The following MCU variants were observed in gnomAD, a reference collection of about 807,000 sequenced individuals.
The protein encoded by MCU is mitochondrial calcium uniporter, also known as calcium uniporter protein, mitochondrial.
A neutral mutation model predicts 45.2 loss-of-function variants in MCU; 12 were observed. The observed-to-expected ratio is 0.27, with a 90% confidence interval of 0.17 to 0.43. The LOEUF (loss-of-function observed/expected upper bound fraction) is 0.43, where lower values mean the gene tolerates loss of function less well. MCU is among the 20% of genes least tolerant of loss of function. The pLI is 1.00. For missense variants in MCU, 324 were observed against 436.7 expected, an observed-to-expected ratio of 0.74 and a Z score of 2.30; for synonymous variants, 160 against 165.1, an observed-to-expected ratio of 0.97 and a Z score of 0.24.
At chr10:72,830,184 G>A (rs1021788022) in intron 1 of MCU, among the ~76,000 whole-genome samples, 1 of 151,982 alleles carries the variant, frequency 6.6e-6, no homozygotes, top group South Asian at 2.1e-4. Context: ...AGTTGAGTGG[G>A]GTATAGAGAG....
At chr10:72,860,291 A>C (rs1845356385) in intron 3 of MCU, 132 bp from the exon 4 acceptor site, 1 of 703,424 alleles carries the variant, frequency 1.4e-6, no homozygotes. Context: ...TTGCATAGGA[A>C]ATGAGGCAAA....
chr10:72,854,274 G>A (rs571303305), intron 2 of MCU, among the ~76,000 whole-genome samples: 36 of 151,896 alleles, frequency 2.4e-4, no homozygotes, highest in South Asian at 8.3e-4. Context: ...CCTGGGCAAC[G>A]GAATGAGACC....
intron 1 of MCU, among the ~76,000 whole-genome samples, chr10:72,819,110 A>G (rs2132812945): frequency 6.6e-6 from 1 of 152,276 alleles, no homozygotes; most frequent in Admixed American, 6.5e-5. Context: ...GTCCATGAAG[A>G]ATGGTGTCTG....
intron 1 of MCU, among the ~76,000 whole-genome samples, chr10:72,825,070 TCTATC>T (rs1185755406): frequency 2.6e-5 from 4 of 152,192 alleles, no homozygotes; most frequent in African/African-American, 9.6e-5. Context: ...CTTTTTTTAT[TCTATC>T]CTAGCTTTTC....
chr10:72,707,756 G>C (rs1388034374), intron 1 of MCU, among the ~76,000 whole-genome samples: 2 of 152,066 alleles, frequency 1.3e-5, no homozygotes, highest in Non-Finnish European at 2.9e-5. Flanking sequence ...TCTTGGACAA[G>C]TGACTTAACC....
intron 2 of MCU, among the ~76,000 whole-genome samples, chr10:72,857,067 C>T (rs764756217): frequency 6.6e-6 from 1 of 152,016 alleles, no homozygotes; most frequent in Non-Finnish European, 1.5e-5. Flanking sequence ...CTGCCTCAGC[C>T]TCCTGAGTAG....
At chr10:72,827,964 A>G (rs1371875518) in intron 1 of MCU, among the ~76,000 whole-genome samples, 2 of 152,176 alleles carry the variant, frequency 1.3e-5, no homozygotes, top group Non-Finnish European at 2.9e-5. Context: ...TGCTGATATG[A>G]TGCTTCAACA....
intron 1 of MCU, among the ~76,000 whole-genome samples, chr10:72,694,417 C>T (rs751859322): frequency 2.6e-5 from 4 of 152,140 alleles, no homozygotes; most frequent in Non-Finnish European, 5.9e-5. Flanking sequence ...TTATTGTGTT[C>T]TTTTCATTGT....
chr10:72,745,518 C>T (rs1419059376), intron 1 of MCU, among the ~76,000 whole-genome samples: 1 of 152,128 alleles, frequency 6.6e-6, no homozygotes, highest in Non-Finnish European at 1.5e-5. Flanking sequence ...TGTGAGCCAC[C>T]GTGCCCGGCC....
At chr10:72,761,153 G>C in intron 1 of MCU, among the ~76,000 whole-genome samples, 1 of 152,198 alleles carries the variant, frequency 6.6e-6, no homozygotes, top group East Asian at 1.9e-4. Context: ...CTGAAGATTA[G>C]AGCTAATTAG....
intron 1 of MCU, among the ~76,000 whole-genome samples, chr10:72,711,446 C>T (rs1264090993): frequency 4.0e-5 from 6 of 151,618 alleles, no homozygotes; most frequent in Non-Finnish European, 8.8e-5. Flanking sequence ...GTCTTGAACT[C>T]CTGACCTCAA....
At chr10:72,731,031 A>G (rs193053600) in intron 1 of MCU, 1 of 152,264 alleles carries the variant, frequency 6.6e-6, no homozygotes, top group East Asian at 1.9e-4. Context: ...CAAGGGATCC[A>G]CCGGCCTTGG....
chr10:72,693,728 A>G (rs1004738055), intron 1 of MCU, among the ~76,000 whole-genome samples: 1 of 152,218 alleles, frequency 6.6e-6, no homozygotes, highest in African/African-American at 2.4e-5. Flanking sequence ...GGTGACAGCC[A>G]AGAGCTTTTC....
chr10:72,839,743 G>A (rs1194032429), intron 2 of MCU, among the ~76,000 whole-genome samples: 1 of 151,332 alleles, frequency 6.6e-6, no homozygotes, highest in Non-Finnish European at 1.5e-5. Flanking sequence ...CATGAGGTCA[G>A]GAGATCGAGA....
At chr10:72,771,463 C>T (rs1315023535) in intron 1 of MCU, among the ~76,000 whole-genome samples, 4 of 152,072 alleles carry the variant, frequency 2.6e-5, no homozygotes, top group Non-Finnish European at 5.9e-5. Context: ...GGGTTCACTC[C>T]AAGTCTGTGT....
intron 6 of MCU, among the ~76,000 whole-genome samples, 170 bp from the exon 7 acceptor site, chr10:72,884,096 T>C (rs965653136): frequency 6.6e-6 from 1 of 152,210 alleles, no homozygotes. Context: ...ATTTTGTGTG[T>C]ACTGTTCTGT....
chr10:72,697,595 G>A (rs1423131106), intron 1 of MCU, among the ~76,000 whole-genome samples: 3 of 151,492 alleles, frequency 2.0e-5, no homozygotes, highest in African/African-American at 4.9e-5. Flanking sequence ...CACCACGCCC[G>A]GCTAATGTTT....
intron 4 of MCU, among the ~76,000 whole-genome samples, chr10:72,867,771 T>C (rs1425767038): frequency 6.7e-6 from 1 of 149,294 alleles, no homozygotes; most frequent in African/African-American, 2.5e-5. Flanking sequence ...AGGAAAATGG[T>C]GTGAACCCAG....
Position 72,698,881 on chromosome 10 carries a change from G to T in MCU, c.150+6580G>T, listed in dbSNP as rs555911569. On this transcript the variant is annotated intron_variant, in intron 1 of 7. Coordinates refer to ENST00000373053, the MANE Select transcript of MCU (RefSeq NM_138357.3). ...TATAGTAGTCTGATCATGGCTCACC[G>T]CAGCCTTGAACTCCTGGGCTTAAGT... Among the ~76,000 whole-genome samples, 25 of 152,162 alleles carry T rather than the reference G, an allele frequency of 1.6e-4. 1 individual carries two copies. Among genetic ancestry groups the T allele is most frequent in the South Asian group, 4.1e-4 (2 of 4,824 alleles).
Sources: allele counts gnomAD v4.1 joint callset (sites outside exome capture counted in the v4.1 genomes callset), GRCh38; gene constraint gnomAD v4.1.1; transcripts MANE v1.5; gene names NCBI Gene and HGNC (gene_info 2026-07-23, HGNC 2026-07-21).